ADGRF4: variants seen among roughly 807,000 people sequenced by gnomAD.
The protein encoded by ADGRF4 is adhesion G protein-coupled receptor F4.
A neutral mutation model predicts 58.5 loss-of-function variants in ADGRF4; 63 were observed. The observed-to-expected ratio is 1.08, with a 90% confidence interval of 0.88 to 1.33. The LOEUF (loss-of-function observed/expected upper bound fraction) is 1.33. ADGRF4 is among the 40% of genes most tolerant of loss of function. The pLI is 0.00. For missense variants in ADGRF4, 931 were observed against 843.9 expected (o/e 1.10, Z -1.28); for synonymous variants, 313 against 295.4 (o/e 1.06, Z -0.61).
intron 9 of ADGRF4, 111 bp downstream of exon 9, chr6:47,718,556 G>A (rs1295604557): frequency 4.2e-6 from 3 of 713,872 alleles, no homozygotes; most frequent in Non-Finnish European, 5.2e-6. Flanking sequence ...GAGGTGGGAG[G>A]GGAAGAGGGG....
At chr6:47,707,816 T>C (rs1771756069) in intron 2 of ADGRF4, among the ~76,000 whole-genome samples, 1 of 152,212 alleles carries the variant, frequency 6.6e-6, no homozygotes, top group African/African-American at 2.4e-5. Context: ...AGTATTCCTG[T>C]TCATTTCTGT....
intron 9 of ADGRF4, among the ~76,000 whole-genome samples, chr6:47,719,645 G>A (rs1772110501): frequency 6.6e-6 from 1 of 152,160 alleles, no homozygotes; most frequent in South Asian, 2.1e-4. Flanking sequence ...GTCTCAGGTG[G>A]AGGGGGCCCT....
At chr6:47,710,710 T>C in intron 3 of ADGRF4, 25 bp from the exon 4 acceptor site, 14 of 1,515,318 alleles carry the variant, frequency 9.2e-6, no homozygotes, top group Non-Finnish European at 1.2e-5. Context: ...CCTGTCTCTC[T>C]CTCTTTCTCT....
At chr6:47,711,552 C>T (rs570559960) in intron 4 of ADGRF4, among the ~76,000 whole-genome samples, 100 of 152,324 alleles carry the variant, frequency 6.6e-4, no homozygotes, top group Middle Eastern at 3.4e-3. Flanking sequence ...TAAGCCACCG[C>T]GCCGGGCCTT....
chr6:47,705,163 G>A (rs905076170), intron 1 of ADGRF4, among the ~76,000 whole-genome samples: 7 of 152,218 alleles, frequency 4.6e-5, no homozygotes, highest in South Asian at 2.1e-4. Context: ...TCCTGACCTC[G>A]TGATCTGCCC....
At chr6:47,710,316 G>A (rs562299766) in intron 3 of ADGRF4, among the ~76,000 whole-genome samples, 1 of 152,246 alleles carries the variant, frequency 6.6e-6, no homozygotes, top group South Asian at 2.1e-4. Flanking sequence ...CCATTTATGT[G>A]TTCCTTTACA....
chr6:47,699,942 C>CA (rs1561863019), intron 1 of ADGRF4, among the ~76,000 whole-genome samples: 1 of 151,158 alleles, frequency 6.6e-6, no homozygotes, highest in African/African-American at 2.4e-5. Flanking sequence ...CACCCCCCCC[C>CA]CCAAAATGTG....
chr6:47,704,318 A>G (rs1007169922), intron 1 of ADGRF4, among the ~76,000 whole-genome samples: 1 of 152,076 alleles, frequency 6.6e-6, no homozygotes, highest in Non-Finnish European at 1.5e-5. Flanking sequence ...GGGATGAGCC[A>G]CTGCACCCGG....
chr6:47,710,825 A>G lies in ADGRF4; in HGVS notation c.239A>G (p.Gln80Arg). The change falls in exon 4 of 10, where the codon CAA becomes CGA. Residue 80 changes from glutamine (Q) to arginine (R), a missense_variant. Gln to Arg is a conservative substitution (Grantham distance 43). Coordinates refer to ENST00000283303, the MANE Select transcript of ADGRF4 (RefSeq NM_153838.5). ...GGAGAAATAGGATTTACATGTAATC[A>G]AAAAAAGTGGCAAAAATCAGCTGAA... ...FHGEIGFTCN[Q>R]KKWQKSAETC... 1.2e-6 allele frequency: 2 copies of G among 1,613,128 alleles called. No individual in the cohort carries two copies. Among genetic ancestry groups the G allele is most frequent in the Non-Finnish European group, 1.7e-6 (2 of 1,179,368 alleles).
intron 1 of ADGRF4, among the ~76,000 whole-genome samples, chr6:47,704,083 C>G (rs535218285): frequency 6.6e-6 from 1 of 150,658 alleles, no homozygotes; most frequent in African/African-American, 2.4e-5. Context: ...GAGTTTTGCT[C>G]TTGTCACCCA....
At chr6:47,715,984 T>G (rs1331871489) in intron 6 of ADGRF4, among the ~76,000 whole-genome samples, 1 of 17,096 alleles carries the variant, frequency 5.8e-5, no homozygotes, top group African/African-American at 2.1e-4. Context: ...ACATGAGGGA[T>G]TTTTTTTTTT....
chr6:47,704,488 A>G (rs1349581319), intron 1 of ADGRF4, among the ~76,000 whole-genome samples: 1 of 152,196 alleles, frequency 6.6e-6, no homozygotes, highest in Non-Finnish European at 1.5e-5. Context: ...TCTCCTTGAC[A>G]CACACACCCT....
intron 2 of ADGRF4, 101 bp from the exon 3 acceptor site, chr6:47,708,123 C>A: frequency 1.2e-6 from 1 of 843,736 alleles, no homozygotes; most frequent in Non-Finnish European, 1.9e-6. Context: ...CTTTCTAGTC[C>A]TGAACACATT....
In ADGRF4 at chr6:47,714,859, G is replaced by C. The variant is rs1301088984; in HGVS notation, c.1614G>C (p.Glu538Asp). Residue 538 changes from glutamate (E) to aspartate (D), a missense_variant, in exon 6 of 10, where the codon GAG becomes GAC. Coordinates refer to ENST00000283303, the MANE Select transcript of ADGRF4 (RefSeq NM_153838.5). ...CTGTCACTACAGTTGCTATCACAGA[G>C]CCAGAGAAAGGCTACATGAGACCTG... ...IIAVTTVAIT[E>D]PEKGYMRPEA... 11 of 1,609,128 alleles carry C rather than the reference G, an allele frequency of 6.8e-6. No individual in the cohort carries two copies. Among genetic ancestry groups the C allele is most frequent in the Non-Finnish European group, 8.5e-6 (10 of 1,175,676 alleles).
chr6:47,714,822 C>G lies in ADGRF4; in HGVS notation c.1577C>G (p.Pro526Arg), dbSNP rs563474990. ...GGCTTTGCCATTGGCTATGGGTGCC[C>G]ATTGATCATTGCTGTCACTACAGTT... ...VIGFAIGYGCPLIIAVTTVAI... is the reference protein window; with the variant it reads ...VIGFAIGYGCRLIIAVTTVAI... Residue 526 changes from proline to arginine, a missense_variant, in exon 6 of 10, where the codon CCA becomes CGA. Coordinates refer to ENST00000283303, the MANE Select transcript of ADGRF4 (RefSeq NM_153838.5). 6.2e-7 allele frequency: 1 copy of G among 1,613,026 alleles called. No homozygotes were observed. The highest frequency in any genetic ancestry group is 1.7e-5 in the Admixed American group (1 of 60,024).
intron 1 of ADGRF4, among the ~76,000 whole-genome samples, chr6:47,701,073 A>G (rs1441394942): frequency 6.6e-6 from 1 of 152,164 alleles, no homozygotes; most frequent in Non-Finnish European, 1.5e-5. Context: ...ATTACTGTAA[A>G]CTTGATGGAG....
At chr6:47,708,353 T>C (rs1771773647) in intron 3 of ADGRF4, 75 bp downstream of exon 3, 1 of 1,130,220 alleles carries the variant, frequency 8.8e-7, no homozygotes, top group African/African-American at 1.5e-5. Context: ...TGTTGCAAGC[T>C]TGTCCCCAGA....
Position 47,714,623 on chromosome 6 carries a change from G to A in ADGRF4, c.1378G>A (p.Gly460Ser), listed in dbSNP as rs1298082121. The A allele has an allele frequency of 1.9e-6, 3 of 1,614,162 alleles. No homozygotes were observed. The highest frequency in any genetic ancestry group is 2.5e-6 in the Non-Finnish European group (3 of 1,180,030). Reference sequence around the variant, plus strand: ...GACTGCCAATGTGTGGTTTATCATAGGCTCTCACTTTAACATTAAGGCCCA... The same window carrying A: ...GACTGCCAATGTGTGGTTTATCATAAGCTCTCACTTTAACATTAAGGCCCA... ...LLTANVWFII[G>S]SHFNIKAQDY... The change falls in exon 6 of 10, where the codon GGC becomes AGC. Residue 460 changes from glycine (G) to serine (S), a missense_variant. Gly to Ser is a moderately conservative substitution (Grantham distance 56). Coordinates refer to ENST00000283303, the MANE Select transcript of ADGRF4 (RefSeq NM_153838.5).
intron 4 of ADGRF4, among the ~76,000 whole-genome samples, chr6:47,711,972 A>G (rs749202140): frequency 6.6e-6 from 1 of 152,228 alleles, no homozygotes; most frequent in Non-Finnish European, 1.5e-5. Context: ...AGTAAACTCT[A>G]AAGTCTGAAA....
Sources: gnomAD v4.1 joint callset for allele counts (sites outside exome capture counted in the v4.1 genomes callset) on GRCh38, gnomAD v4.1.1 for gene constraint, MANE v1.5 for transcripts, NCBI Gene and HGNC (gene_info 2026-07-23, HGNC 2026-07-21) for gene names.